The following UROS variants were observed in gnomAD, a reference collection of about 807,000 sequenced individuals.
UROS encodes the protein uroporphyrinogen-III synthase.
UROS carries 18 observed loss-of-function variants against 33.0 expected under a neutral mutation model. The ratio of observed to expected loss-of-function variants is 0.55; its 90% CI spans 0.38 to 0.81. The LOEUF is 0.81. Ranked by LOEUF, UROS falls within the 30% of genes least tolerant of loss-of-function variation. The probability of loss-of-function intolerance (pLI) is 0.00; values close to 1 mark genes in which losing one functional copy is unlikely to be tolerated. For synonymous variants in UROS, 114 were observed against 121.1 expected (o/e 0.94, Z 0.38); for missense variants, 293 against 314.9 (o/e 0.93, Z 0.53).
chr10:125,812,343 T>G, intron 4 of UROS, 55 bp from the exon 5 acceptor site: 1 of 1,542,608 alleles, frequency 6.5e-7, no homozygotes, highest in South Asian at 1.1e-5. Context: ...CCATTTGGAC[T>G]GTTGCCCAAG....
intron 1 of UROS, among the ~76,000 whole-genome samples, chr10:125,821,466 G>A (rs1220875396): frequency 6.6e-6 from 1 of 152,242 alleles, no homozygotes; most frequent in Non-Finnish European, 1.5e-5. Context: ...GAAAGGTCAT[G>A]GAGGGAAAAT....
Position 125,788,963 on chromosome 10 carries a change from G to C in UROS, c.703C>G (p.Gln235Glu). ...GCAGTGCAGCTTACAGGAAGGCCCT[G>C]GGCGGCCAGCGCGCGAGCCGTAGTG... is the stretch of plus-strand genomic sequence containing the variant. ...GPTTARALAA[Q>E]GLPVSCTAES... is the part of the protein sequence containing the mutation. The change falls in exon 10 of 10, where the codon CAG (glutamine) becomes GAG (glutamate). Residue 235 changes from glutamine (Q) to glutamate (E), a missense_variant. By Grantham distance (29) the Gln-to-Glu change is conservative. Transcript: ENST00000368797. The C allele has an allele frequency of 6.2e-7, 1 of 1,612,020 alleles. No individual in the cohort carries two copies. The highest frequency in any genetic ancestry group is 1.1e-5 in the South Asian group (1 of 90,796).
Position 125,796,100 on chromosome 10 carries a change from T to C in UROS, c.561+3A>G, listed in dbSNP as rs770527177. 3 of 1,614,124 alleles carry C rather than the reference T, an allele frequency of 1.9e-6. No individual in the cohort carries two copies. The highest frequency in any genetic ancestry group is 2.2e-5 in the South Asian group (2 of 91,080). ...GCCAGAACCGCCCCCAAACGCCACG[T>C]ACCTGCTGGGAATAGTAGCTGTTCA... On this transcript the variant is annotated splice_donor_region_variant and intron_variant, in intron 8 of 9. Transcript: ENST00000368797.
chr10:125,812,194 T>A lies in UROS; in HGVS notation c.319+20A>T. The A allele has an allele frequency of 6.2e-7, 1 of 1,611,826 alleles. No homozygotes were observed. Among genetic ancestry groups the A allele is most frequent in the Non-Finnish European group, 8.5e-7 (1 of 1,178,286 alleles). ...GGCTAAGCCATTTTTTGTTGTTTTA[T>A]TTTTACCTTGACTCCTTACCTAGAG... On this transcript the variant is annotated intron_variant, in intron 5 of 9. Coordinates refer to ENST00000368797, the MANE Select transcript of UROS (RefSeq NM_000375.3).
intron 4 of UROS, 27 bp from the exon 5 acceptor site, chr10:125,812,315 T>C: frequency 1.2e-6 from 2 of 1,607,944 alleles, no homozygotes; most frequent in South Asian, 1.1e-5. Flanking sequence ...GATATGTGAA[T>C]TGCAAATACC....
chr10:125,788,191 T>C (rs534901788), downstream of UROS, among the ~76,000 whole-genome samples: 6 of 152,158 alleles, frequency 3.9e-5, no homozygotes, highest in South Asian at 1.0e-3. Flanking sequence ...TCAGGCTGAG[T>C]TGGGAATGAA....
At chr10:125,807,224 G>A in intron 6 of UROS, 189 bp downstream of exon 6, 1 of 621,748 alleles carries the variant, frequency 1.6e-6, no homozygotes, top group Admixed American at 2.6e-5. Context: ...GAAGGAAGTG[G>A]GCTAAACCTC....
intron 6 of UROS, among the ~76,000 whole-genome samples, chr10:125,805,884 T>G (rs1308412101): frequency 6.6e-6 from 1 of 152,158 alleles, no homozygotes; most frequent in Non-Finnish European, 1.5e-5. Flanking sequence ...AAGTTATTTT[T>G]AAAAGAAATT....
In UROS at chr10:125,802,026, T is replaced by C. The variant is rs1851875127; in HGVS notation, c.395-3881A>G. On this transcript the variant is annotated intron_variant, in intron 6 of 9. Coordinates refer to ENST00000368797, the MANE Select transcript of UROS (RefSeq NM_000375.3). ...CAGCCACCCATAGAAATAATTACTA[T>C]TCTTTGTAGAACTTAATCCCACAAG... is the stretch of plus-strand genomic sequence containing the variant. The C allele has an allele frequency of 3.0e-6, 3 of 985,352 alleles. No individual in the cohort carries two copies. In the South Asian group the frequency reaches 1.4e-4, roughly 46 times the overall value. 61.0% of individuals were successfully genotyped at this position (985,352 alleles called of 1,614,324 possible). A position where few individuals can be genotyped will look rare whatever the true frequency, so the allele number is the denominator to read the frequency against.
intron 6 of UROS, among the ~76,000 whole-genome samples, chr10:125,804,985 G>A (rs1392574883): frequency 3.9e-5 from 6 of 152,190 alleles, no homozygotes; most frequent in Admixed American, 6.5e-5. Context: ...AACATCTGCC[G>A]AACCATATTG....
At chr10:125,819,727 C>T (rs903191552) in intron 1 of UROS, 1 of 153,332 alleles carries the variant, frequency 6.5e-6, no homozygotes, top group African/African-American at 2.4e-5. Flanking sequence ...GCCTAAAAAC[C>T]GTGCAGTGTC....
intron 6 of UROS, chr10:125,803,040 T>G (rs1851973721): frequency 1.2e-6 from 2 of 1,612,766 alleles, no homozygotes; most frequent in African/African-American, 2.7e-5. Context: ...GGAAGAGAAA[T>G]GAGCATATTT....
chr10:125,813,259 G>A (rs1211666707), intron 4 of UROS, among the ~76,000 whole-genome samples: 2 of 152,106 alleles, frequency 1.3e-5, no homozygotes, highest in African/African-American at 4.8e-5. Flanking sequence ...AACGCACCTC[G>A]TCTGTTTCTT....
chr10:125,816,418 G>A lies in UROS; in HGVS notation c.63+19C>T, dbSNP rs1853326712. On this transcript the variant is annotated intron_variant, in intron 2 of 9. Transcript: ENST00000368797. The stretch of plus-strand genomic sequence containing the variant: ...CAGTAGAAAGGACACTGTGGGATAA[G>A]GAGTCTCAGGCCACTTACCCTGATA... The A allele has an allele frequency of 6.2e-7, 1 of 1,613,878 alleles. No individual in the cohort carries two copies. The highest frequency in any genetic ancestry group is 2.2e-5 in the East Asian group (1 of 44,904).
intron 1 of UROS, among the ~76,000 whole-genome samples, chr10:125,819,096 T>C (rs1195004257): frequency 6.6e-6 from 1 of 152,188 alleles, no homozygotes; most frequent in African/African-American, 2.4e-5. Context: ...GCGATTCTCC[T>C]GCCTCAGCCT....
At chr10:125,794,341 AT>A in intron 9 of UROS, 2 of 996,642 alleles carry the variant, frequency 2.0e-6, no homozygotes, top group East Asian at 1.1e-4. Flanking sequence ...TCTGGGTCAC[AT>A]CCTGCACCCT....
At chr10:125,805,344 T>G (rs933822373) in intron 6 of UROS, among the ~76,000 whole-genome samples, 23 of 152,158 alleles carry the variant, frequency 1.5e-4, no homozygotes, top group Admixed American at 1.3e-3. Context: ...AGCATCTCCT[T>G]GAGAGCAGGT....
chr10:125,817,303 G>A (rs1441416539), intron 1 of UROS, among the ~76,000 whole-genome samples: 2 of 140,248 alleles, frequency 1.4e-5, no homozygotes, highest in African/African-American at 5.3e-5. Flanking sequence ...CCTGAGCTCA[G>A]GTGATCTACC....
At chr10:125,810,196 G>T (rs973290372) in intron 5 of UROS, among the ~76,000 whole-genome samples, 1 of 152,142 alleles carries the variant, frequency 6.6e-6, no homozygotes, top group African/African-American at 2.4e-5. Context: ...CTTGAGTGTG[G>T]GCTGGACTTA....
Sources: allele counts gnomAD v4.1 joint callset (sites outside exome capture counted in the v4.1 genomes callset), GRCh38; gene constraint gnomAD v4.1.1; transcripts MANE v1.5; gene names NCBI Gene and HGNC (gene_info 2026-07-23, HGNC 2026-07-21).